The following MYH7B variants were observed in gnomAD, a reference collection of about 807,000 sequenced individuals.
MYH7B encodes myosin heavy chain 7B.
In MYH7B, 205 loss-of-function variants were observed where a neutral mutation model predicts 234.5. The ratio of observed to expected loss-of-function variants is 0.87; its 90% CI spans 0.78 to 0.98. The LOEUF is 0.98. Among genes scored for constraint, MYH7B ranks in the 50% least tolerant of loss-of-function variants. MYH7B has a pLI of 0.00. For missense variants in MYH7B, 2,652 were observed against 2,633.4 expected, an observed-to-expected ratio of 1.01 and a Z score of -0.15; for synonymous variants, 1,193 against 1,105.0, an observed-to-expected ratio of 1.08 and a Z score of -1.58.
chr20:34,999,160 C>CA lies in MYH7B; in HGVS notation c.4296dup (p.Glu1433ArgfsTer68), dbSNP rs771431787. The CA allele has an allele frequency of 1.2e-5, 19 of 1,613,620 alleles. No individual in the cohort carries two copies. The South Asian group carries it at 1.4e-4, about 12-fold the overall frequency. On this transcript the variant is annotated frameshift_variant, in exon 36 of 45. Transcript: ENST00000262873. LOFTEE classifies it high-confidence loss of function. ...GCCAAGCTGCGGCTACAGACAGAGT[C>CA]AGAGGATGTAACCCTGGAGCTGGAG... is the stretch of plus-strand genomic sequence containing the variant.
rs2081932661 is a variant in MYH7B, at chr20:34,980,902, C to T, written c.500-131C>T. On this transcript the variant is annotated intron_variant, in intron 8 of 44. Transcript: ENST00000262873. ...CATGGGAGCTGACCTCCACTAGGGA[C>T]AGCCCCACCTGCTCCTTCCCATTCC... The T allele has an allele frequency of 4.0e-6, 6 of 1,492,914 alleles. No individual in the cohort carries two copies. In the East Asian group the frequency reaches 1.1e-4, roughly 28 times the overall value. The allele number at this position is 1,492,914 out of a possible 1,614,324, so 92.5% of individuals were successfully genotyped here.
chr20:34,971,975 C>G (rs2081797315), intron 2 of MYH7B, among the ~76,000 whole-genome samples: 1 of 152,094 alleles, frequency 6.6e-6, no homozygotes, highest in Non-Finnish European at 1.5e-5. Flanking sequence ...CCCATCTTCA[C>G]CCCCTACCCT....
chr20:34,990,452 C>T lies in MYH7B; in HGVS notation c.1977+142C>T, dbSNP rs150018420. 6.1e-4 allele frequency: 600 copies of T among 988,120 alleles called. 2 individuals carry two copies. Among genetic ancestry groups the T allele is most frequent in the Admixed American group, 1.1e-3 (65 of 59,262 alleles). The allele number at this position is 988,120 out of a possible 1,614,324, so 61.2% of individuals were successfully genotyped here. A position where few individuals can be genotyped will look rare whatever the true frequency, so the allele number is the denominator to read the frequency against. ...TTAACTCCTCTCCACGTGAACATCACAGCAAGTCTGTGCTGCTTCCCGTCC... is the reference window on the plus strand; with the variant it reads ...TTAACTCCTCTCCACGTGAACATCATAGCAAGTCTGTGCTGCTTCCCGTCC... On this transcript the variant is annotated intron_variant, in intron 22 of 44. Transcript: ENST00000262873.
chr20:35,001,701 A>G (rs1600483806), intron 43 of MYH7B, 175 bp downstream of exon 43: 1 of 791,094 alleles, frequency 1.3e-6, no homozygotes, highest in Non-Finnish European at 2.0e-6. Flanking sequence ...CATGGAACAG[A>G]CCCCATGTGC....
intron 9 of MYH7B, chr20:34,982,025 C>CA (rs1249220779): frequency 0.018 from 2,871 of 156,040 alleles, 32 homozygotes; most frequent in African/African-American, 0.042. Flanking sequence ...CCATCTTTAC[C>CA]AAAAAAAAAA....
intron 37 of MYH7B, 41 bp from the exon 38 acceptor site, chr20:34,999,750 T>TGGGCCC: frequency 7.6e-7 from 1 of 1,320,526 alleles, no homozygotes; most frequent in South Asian, 1.4e-5. Context: ...CCACTGGCCA[T>TGGGCCC]CCCCCCCCCC....
intron 10 of MYH7B, among the ~76,000 whole-genome samples, 153 bp from the exon 11 acceptor site, chr20:34,984,539 A>G (rs2081985673): frequency 6.6e-6 from 1 of 152,136 alleles, no homozygotes; most frequent in South Asian, 2.1e-4. Flanking sequence ...CAGGAGGGTC[A>G]GGCCGAGGGG....
exon 29 of MYH7B, chr20:34,996,392 C>G: frequency 6.2e-7 from 1 of 1,610,834 alleles, no homozygotes. Context: ...GAGTCAGTGG[C>G]CCGGCTGACC....
At chr20:34,996,285 TGTG>T (rs1158241300) in intron 28 of MYH7B, 58 bp from the exon 29 acceptor site, 29 of 1,528,970 alleles carry the variant, frequency 1.9e-5, no homozygotes, top group Non-Finnish European at 2.3e-5. Flanking sequence ...CCTGGTGTGG[TGTG>T]GTGGCCGCTC....
In MYH7B at chr20:34,981,277, AC is replaced by A. The variant is rs542970071; in HGVS notation, c.527+220del. ...TCTTGATGGGGGATAGGGAGGGGAC[AC>A]CCACAAACGGAGTGACCACCAGCCC... On this transcript the variant is annotated intron_variant, in intron 9 of 44. Coordinates refer to ENST00000262873, the Ensembl canonical transcript of MYH7B. 50 of 523,822 alleles carry A rather than the reference AC, an allele frequency of 9.5e-5. No individual in the cohort carries two copies. The East Asian group carries it at 1.7e-3, about 18-fold the overall frequency. 32.4% of individuals were successfully genotyped at this position (523,822 alleles called of 1,614,324 possible). A position where few individuals can be genotyped will look rare whatever the true frequency, so the allele number is the denominator to read the frequency against.
intron 2 of MYH7B, among the ~76,000 whole-genome samples, chr20:34,974,899 T>C (rs2081832533): frequency 6.6e-6 from 1 of 152,190 alleles, no homozygotes; most frequent in Non-Finnish European, 1.5e-5. Flanking sequence ...GTGCAGGTCT[T>C]TTCTAGTGGC....
chr20:34,988,100 C>T (rs1569044954), exon 19 of MYH7B: 1 of 1,613,148 alleles, frequency 6.2e-7, no homozygotes, highest in Non-Finnish European at 8.5e-7. Context: ...AGTTCAACAG[C>T]TTCGAACAGC....
intron 3 of MYH7B, among the ~76,000 whole-genome samples, 158 bp downstream of exon 3, chr20:34,975,657 A>G (rs562629466): frequency 6.6e-6 from 1 of 152,192 alleles, no homozygotes; most frequent in Non-Finnish European, 1.5e-5. Context: ...GACACACTGT[A>G]GGACTAATTC....
At chr20:35,001,797 A>C in intron 43 of MYH7B, 151 bp from the exon 44 acceptor site, 2 of 1,283,962 alleles carry the variant, frequency 1.6e-6, no homozygotes, top group South Asian at 2.9e-5. Flanking sequence ...CAACTTCCTT[A>C]TTCCCGCTGT....
At chr20:34,994,349 C>T (rs377761095) in exon 27 of MYH7B, 24 of 1,605,146 alleles carry the variant, frequency 1.5e-5, no homozygotes, top group African/African-American at 8.1e-5. Context: ...CTGGAGGAGA[C>T]GCACGTCAGC....
exon 36 of MYH7B, chr20:34,999,312 G>C: frequency 1.4e-5 from 22 of 1,580,308 alleles, no homozygotes; most frequent in Non-Finnish European, 1.9e-5. Context: ...GGAGTCCCGT[G>C]GCCTGGGCAC....
Position 35,001,167 on chromosome 20 carries a change from A to G in MYH7B, c.5475+9A>G. ...AGAAGCTGGAGGCCAAGGTGTGTGCAGCCCCTCTAGTCCTTGGCGCAGGCA... is the reference window on the plus strand; with the variant it reads ...AGAAGCTGGAGGCCAAGGTGTGTGCGGCCCCTCTAGTCCTTGGCGCAGGCA... On this transcript the variant is annotated intron_variant, in intron 41 of 44. Transcript: ENST00000262873. 6.2e-7 allele frequency: 1 copy of G among 1,612,886 alleles called. No individual in the cohort carries two copies. The highest frequency in any genetic ancestry group is 1.3e-5 in the African/African-American group (1 of 75,058).
chr20:34,962,256 C>T (rs1246586962), intron 2 of MYH7B, among the ~76,000 whole-genome samples: 1 of 152,110 alleles, frequency 6.6e-6, no homozygotes, highest in Admixed American at 6.6e-5. Flanking sequence ...CTGCTATGAA[C>T]ATTCATGTAC....
At chr20:34,999,600 A>G in exon 37 of MYH7B, 2 of 1,612,932 alleles carry the variant, frequency 1.2e-6, no homozygotes, top group Non-Finnish European at 1.7e-6. Context: ...AGACCAGGTG[A>G]GTCTCAGTGG....
Sources: gnomAD v4.1 joint callset for allele counts (sites outside exome capture counted in the v4.1 genomes callset) on GRCh38, gnomAD v4.1.1 for gene constraint, MANE v1.5 for transcripts, NCBI Gene and HGNC (gene_info 2026-07-23, HGNC 2026-07-21) for gene names.